SCAND3: variants seen among roughly 807,000 people sequenced by gnomAD.
The protein encoded by SCAND3 is SCAN domain-containing protein 3.
chr6:28,590,869 A>C, the SCAND3 span: 1 of 152,198 alleles, frequency 6.6e-6, no homozygotes, highest in Non-Finnish European at 1.5e-5. Flanking sequence ...TATGGTCTGT[A>C]ATGGTGCTAA....
At chr6:28,597,882 A>C in the SCAND3 span, 2 of 151,888 alleles carry the variant, frequency 1.3e-5, no homozygotes, top group Non-Finnish European at 2.9e-5. Flanking sequence ...TTCCTTATAC[A>C]TTTTTGCTTC....
the SCAND3 span, chr6:28,589,858 T>TTG: frequency 7.2e-5 from 6 of 83,330 alleles, no homozygotes; most frequent in East Asian, 1.5e-3. Context: ...TTTTGTTTGT[T>TTG]TTTTTTTTTT....
the SCAND3 span, chr6:28,572,742 A>C: frequency 3.1e-6 from 5 of 1,614,094 alleles, no homozygotes; most frequent in Non-Finnish European, 3.4e-6. The surrounding 1 kb of genome is among the most constrained non-coding windows in gnomAD (Gnocchi z 4.1). Context: ...GTTGCTTATG[A>C]TCAGCTTCCA....
the SCAND3 span, among the ~76,000 whole-genome samples, chr6:28,605,429 CT>C: frequency 6.6e-6 from 1 of 152,056 alleles, no homozygotes; most frequent in African/African-American, 2.4e-5. Context: ...AGACCAATGA[CT>C]GAAAAATATA....
the SCAND3 span, among the ~76,000 whole-genome samples, chr6:28,608,137 A>G: frequency 2.6e-5 from 4 of 152,212 alleles, no homozygotes; most frequent in Non-Finnish European, 5.9e-5. Context: ...GCCCGCTCCC[A>G]CTAGCTACTC....
At chr6:28,610,879 C>T in the SCAND3 span, among the ~76,000 whole-genome samples, 2 of 152,022 alleles carry the variant, frequency 1.3e-5, no homozygotes, top group African/African-American at 2.4e-5. Context: ...GGAGACATGC[C>T]TCTAGATAAA....
At chr6:28,586,623 T>C in the SCAND3 span, 7 of 1,614,054 alleles carry the variant, frequency 4.3e-6, no homozygotes, top group Non-Finnish European at 5.9e-6. The surrounding 1 kb of genome is among the most constrained non-coding windows in gnomAD (Gnocchi z 4.4). Flanking sequence ...ATCCCAAGTG[T>C]GGTCTTCTTC....
chr6:28,595,195 CAAA>C, the SCAND3 span, among the ~76,000 whole-genome samples: 61 of 16,096 alleles, frequency 3.8e-3, 1 homozygote, highest in African/African-American at 0.01. Flanking sequence ...CCGTCACTAC[CAAA>C]AAAAAAAAAA....
At chr6:28,589,889 GC>G in the SCAND3 span, 2 of 137,608 alleles carry the variant, frequency 1.5e-5, no homozygotes, top group Non-Finnish European at 3.1e-5. Context: ...TGGACCTTGC[GC>G]CCCGGGTTAC....
chr6:28,593,452 A>G, the SCAND3 span: 4 of 151,472 alleles, frequency 2.6e-5, no homozygotes, highest in African/African-American at 9.7e-5. Flanking sequence ...AGGCGGGCGG[A>G]TCACCTGAGG....
chr6:28,575,919 C>G, the SCAND3 span: 1 of 1,613,880 alleles, frequency 6.2e-7, no homozygotes, highest in Non-Finnish European at 8.5e-7. This position sits in a 1 kb window ranked among gnomAD's most constrained non-coding sequence, Gnocchi z 4.2. Context: ...CCTTTTTCGC[C>G]TTAGCTTTAG....
At chr6:28,576,854 C>G in the SCAND3 span, among the ~76,000 whole-genome samples, 5 of 151,514 alleles carry the variant, frequency 3.3e-5, no homozygotes, top group African/African-American at 1.2e-4. Context: ...TCATGATCCA[C>G]CTGCCTTGGC....
the SCAND3 span, chr6:28,575,411 T>C: frequency 6.2e-7 from 1 of 1,614,064 alleles, no homozygotes; most frequent in Admixed American, 1.7e-5. The surrounding 1 kb of genome is among the most constrained non-coding windows in gnomAD (Gnocchi z 4.2). Context: ...TGTAGGACAC[T>C]GGGTGCTCCA....
chr6:28,579,242 C>A, the SCAND3 span: 2 of 1,599,646 alleles, frequency 1.3e-6, no homozygotes, highest in Non-Finnish European at 1.7e-6. This position sits in a 1 kb window ranked among gnomAD's most constrained non-coding sequence, Gnocchi z 4.5. Context: ...CCAAGTCTCA[C>A]CTTCTTTCTT....
At chr6:28,611,616 C>T in the SCAND3 span, among the ~76,000 whole-genome samples, 1 of 152,226 alleles carries the variant, frequency 6.6e-6, no homozygotes, top group Non-Finnish European at 1.5e-5. Context: ...GAACTCTTCC[C>T]TCTACATACT....
the SCAND3 span, chr6:28,585,087 G>A: frequency 6.6e-6 from 1 of 152,172 alleles, no homozygotes. Flanking sequence ...GTTCCAGCTA[G>A]ATAATTTTAT....
the SCAND3 span, among the ~76,000 whole-genome samples, chr6:28,604,714 A>G: frequency 1.3e-5 from 2 of 152,082 alleles, no homozygotes; most frequent in Non-Finnish European, 2.9e-5. Flanking sequence ...ATTTGTAATC[A>G]TATCCTTAAT....
chr6:28,614,810 A>G, the SCAND3 span, among the ~76,000 whole-genome samples: 1 of 152,180 alleles, frequency 6.6e-6, no homozygotes, highest in South Asian at 2.1e-4. Context: ...CAATAGTTAA[A>G]ATCTGAAAGA....
the SCAND3 span, chr6:28,586,771 T>G: frequency 6.7e-7 from 1 of 1,492,716 alleles, no homozygotes; most frequent in Non-Finnish European, 9.0e-7. The surrounding 1 kb of genome is among the most constrained non-coding windows in gnomAD (Gnocchi z 4.4). Flanking sequence ...TCTAGGCAAA[T>G]GGGTGATTTT....
Sources: allele counts gnomAD v4.1 joint callset (sites outside exome capture counted in the v4.1 genomes callset), GRCh38; gene constraint gnomAD v4.1.1; non-coding constraint Gnocchi (gnomAD v3.1); transcripts MANE v1.5; gene names NCBI Gene and HGNC (gene_info 2026-07-23, HGNC 2026-07-21).